TRPV1: variants seen among roughly 807,000 people sequenced by gnomAD.
The protein encoded by TRPV1 is OTRPC1.
A neutral mutation model predicts 82.3 loss-of-function variants in TRPV1; 82 were observed. The observed-to-expected ratio is 1.00, with a 90% CI of 0.83 to 1.20. TRPV1 has a LOEUF of 1.20. Among genes scored for constraint, TRPV1 ranks in the 50% most tolerant of loss-of-function variants. The pLI, the probability that TRPV1 is intolerant of heterozygous loss-of-function variation, is 0.00. For synonymous variants in TRPV1, 515 were observed against 467.7 expected (o/e 1.10, Z -1.30); for missense variants, 1,067 against 1,096.8 (o/e 0.97, Z 0.38).
intron 5 of TRPV1, 151 bp downstream of exon 5, chr17:3,590,813 G>A (rs945346367): frequency 3.6e-6 from 4 of 1,114,208 alleles, no homozygotes; most frequent in Non-Finnish European, 5.0e-6. Flanking sequence ...GATGGGAGAG[G>A]CAGGGACCCC....
At chr17:3,598,257 G>A (rs414742) in intron 2 of TRPV1, among the ~76,000 whole-genome samples, 125,699 of 151,920 alleles carry the variant, frequency 0.83, 52,223 homozygotes, top group East Asian at 1. Flanking sequence ...GGAGGCCCTC[G>A]TAACCCTGCC....
chr17:3,586,083 C>A (rs2075082059), intron 8 of TRPV1, among the ~76,000 whole-genome samples, 157 bp from the exon 9 acceptor site: 1 of 152,250 alleles, frequency 6.6e-6, no homozygotes. Flanking sequence ...GCAGCCATAG[C>A]CTGGGGCTGG....
intron 2 of TRPV1, among the ~76,000 whole-genome samples, chr17:3,606,942 G>A (rs2075299459): frequency 6.6e-6 from 1 of 152,178 alleles, no homozygotes; most frequent in Non-Finnish European, 1.5e-5. Context: ...AGACGGCCTG[G>A]CTCCTCCCAA....
In TRPV1 at chr17:3,591,054, T is replaced by A. The variant is rs199654500; in HGVS notation, c.514A>T (p.Thr172Ser). ...AMLNLHDGQN[T>S]TIPLLLEIAR... is the part of the protein sequence containing the mutation. ...ATCTCCAGGAGCAGGGGGATGGTGG[T>A]GTTCTGTCCGTCGTGCAGGTTGAGC... The change falls in exon 5 of 17, where the codon ACC (threonine) becomes TCC (serine). Residue 172 changes from threonine (T) to serine (S), a missense_variant. Thr to Ser is a moderately conservative substitution (Grantham distance 58, BLOSUM62 1). Transcript: ENST00000572705. 5.0e-6 allele frequency: 8 copies of A among 1,613,086 alleles called. No individual in the cohort carries two copies. Among genetic ancestry groups the A allele is most frequent in the Non-Finnish European group, 5.9e-6 (7 of 1,179,622 alleles).
chr17:3,573,561 C>T (rs2074888511), intron 14 of TRPV1, 72 bp downstream of exon 14: 3 of 991,964 alleles, frequency 3.0e-6, no homozygotes, highest in Non-Finnish European at 4.0e-6. Flanking sequence ...CTGCAGCCAG[C>T]TGTGTAAGAC....
intron 10 of TRPV1, among the ~76,000 whole-genome samples, chr17:3,582,700 G>A (rs1445532122): frequency 6.6e-6 from 1 of 152,052 alleles, no homozygotes; most frequent in African/African-American, 2.4e-5. Flanking sequence ...GCTCACGCCT[G>A]TAATCCCAGC....
chr17:3,592,479 G>A (rs1303121701), intron 2 of TRPV1, 96 bp from the exon 3 acceptor site: 3 of 1,299,168 alleles, frequency 2.3e-6, no homozygotes, highest in East Asian at 5.1e-5. Flanking sequence ...TGTGAAGCAG[G>A]GTACCCCAAA....
At chr17:3,588,131 T>C (rs910689722) in intron 8 of TRPV1, 57 bp downstream of exon 8, 21 of 1,521,026 alleles carry the variant, frequency 1.4e-5, no homozygotes, top group Middle Eastern at 2.0e-4. Context: ...GGGGCTGGGA[T>C]TGGGGCTTGG....
intron 2 of TRPV1, among the ~76,000 whole-genome samples, chr17:3,604,616 A>G (rs1478820601): frequency 6.7e-6 from 1 of 148,892 alleles, no homozygotes; most frequent in Non-Finnish European, 1.5e-5. Context: ...AAAAAAAAAA[A>G]GAAAAAGAAA....
intron 13 of TRPV1, among the ~76,000 whole-genome samples, chr17:3,574,562 G>A (rs562612202): frequency 3.9e-5 from 6 of 152,208 alleles, no homozygotes; most frequent in East Asian, 3.9e-4. Flanking sequence ...GGATTCCAAC[G>A]CAAACGGCAG....
At chr17:3,599,624 T>A (rs886921232) in intron 2 of TRPV1, among the ~76,000 whole-genome samples, 1 of 146,140 alleles carries the variant, frequency 6.8e-6, no homozygotes, top group Non-Finnish European at 1.5e-5. Context: ...ATTTCCTTTT[T>A]TTCTTTTCTT....
rs201951569 is a variant in TRPV1 at position 3,591,257 on chromosome 17, G to T, written c.381C>A (p.Cys127Ter). The change falls in exon 4 of 17, where the codon TGC (cysteine) becomes TGA (stop). Residue 127 changes from cysteine to a stop codon, truncating the protein, a stop_gained. Coordinates refer to ENST00000572705, the MANE Select transcript of TRPV1 (RefSeq NM_080704.4). LOFTEE classifies it high-confidence loss of function. Reference protein sequence around the residue: ...SIFEAVAQNNCQDLESLLLFL... With the variant: ...SIFEAVAQNN ...AGAGCAGCAGGCTCTCCAGATCCTGGCAGTTATTCTGAGCAACGGCTTCAA... is the reference window on the plus strand; with the variant it reads ...AGAGCAGCAGGCTCTCCAGATCCTGTCAGTTATTCTGAGCAACGGCTTCAA... 5 of 1,613,378 alleles carry T rather than the reference G, an allele frequency of 3.1e-6. No homozygotes were observed. The highest frequency in any genetic ancestry group is 4.2e-6 in the Non-Finnish European group (5 of 1,179,826).
intron 2 of TRPV1, among the ~76,000 whole-genome samples, chr17:3,605,351 G>C (rs983029159): frequency 6.6e-6 from 1 of 151,924 alleles, no homozygotes; most frequent in Non-Finnish European, 1.5e-5. Flanking sequence ...TCTACTAAAA[G>C]TACAAAAAAT....
At chr17:3,588,580 G>A (rs144209836) in intron 7 of TRPV1, among the ~76,000 whole-genome samples, 167 of 152,218 alleles carry the variant, frequency 1.1e-3, no homozygotes, top group Non-Finnish European at 1.6e-3. Context: ...AGGCTGAGGC[G>A]GGTGGATCAC....
At chr17:3,573,982 C>G in intron 13 of TRPV1, 27 bp from the exon 14 acceptor site, 1 of 1,551,650 alleles carries the variant, frequency 6.4e-7, no homozygotes, top group Non-Finnish European at 8.7e-7. Context: ...GGGCGGGGTG[C>G]CACTGGATAG....
chr17:3,606,353 G>A (rs1159284761), intron 2 of TRPV1, among the ~76,000 whole-genome samples: 1 of 152,202 alleles, frequency 6.6e-6, no homozygotes, highest in Non-Finnish European at 1.5e-5. Context: ...GGCTGACAGA[G>A]CTACCACTCT....
intron 3 of TRPV1, among the ~76,000 whole-genome samples, chr17:3,591,629 G>A (rs1330262981): frequency 6.6e-6 from 1 of 152,176 alleles, no homozygotes; most frequent in African/African-American, 2.4e-5. Context: ...TGCCTGCTCG[G>A]GAGCTCGGGA....
intron 13 of TRPV1, among the ~76,000 whole-genome samples, chr17:3,574,362 G>A (rs2074901455): frequency 6.6e-6 from 1 of 152,300 alleles, no homozygotes; most frequent in South Asian, 2.1e-4. Flanking sequence ...GCTTCTGTGG[G>A]AAGTGTGGCC....
At chr17:3,568,321 CAAAA>C (rs536064872) in intron 16 of TRPV1, among the ~76,000 whole-genome samples, 5 of 88,094 alleles carry the variant, frequency 5.7e-5, no homozygotes, top group Non-Finnish European at 2.3e-5. Context: ...GACTCCGTCT[CAAAA>C]AAAAAAAAAA....
Sources: allele counts gnomAD v4.1 joint callset (sites outside exome capture counted in the v4.1 genomes callset), GRCh38; gene constraint gnomAD v4.1.1; transcripts MANE v1.5; gene names NCBI Gene and HGNC (gene_info 2026-07-23, HGNC 2026-07-21).